Variants in AMBRA1 observed in about 807,000 individuals in gnomAD.
The protein encoded by AMBRA1 is autophagy and beclin 1 regulator 1.
AMBRA1 carries 47 observed loss-of-function variants against 125.4 expected under a neutral mutation model. That is an observed-to-expected ratio of 0.37 (90% CI 0.30 to 0.48). AMBRA1 has a LOEUF of 0.48. Among genes scored for constraint, AMBRA1 ranks in the 20% least tolerant of loss-of-function variants. The pLI, the probability that AMBRA1 is intolerant of heterozygous loss-of-function variation, is 0.99. For missense variants in AMBRA1, 1,331 were observed against 1,693.4 expected (o/e 0.79, Z 3.76); for synonymous variants, 626 against 655.5 (o/e 0.95, Z 0.69).
rs752375008 is a variant in AMBRA1 at position 46,545,741 on chromosome 11, A to G, written c.414T>C (p.Asn138=). The G allele has an allele frequency of 1.2e-6, 2 of 1,614,164 alleles. No individual in the cohort carries two copies. The highest frequency in any genetic ancestry group is 1.7e-6 in the Non-Finnish European group (2 of 1,180,010). The stretch of plus-strand genomic sequence containing the variant: ...GGTGGAAAGCCAGGGAGGCAATGGC[A>G]TTGTTGCTATCTGTGAACCAGCTTT... The part of the protein sequence containing the change: ...GSESWFTDSN[N]AIASLAFHPT... Residue 138 remains asparagine (N), a synonymous_variant, in exon 5 of 18, where the codon AAT becomes AAC. Transcript: ENST00000683756.
intron 11 of AMBRA1, among the ~76,000 whole-genome samples, chr11:46,455,636 T>C (rs1948817330): frequency 6.6e-6 from 1 of 152,200 alleles, no homozygotes; most frequent in African/African-American, 2.4e-5. Context: ...AAACAGAGGA[T>C]AGGGCTCATG....
At chr11:46,590,847 A>G (rs1347923868) in intron 1 of AMBRA1, among the ~76,000 whole-genome samples, 1 of 150,720 alleles carries the variant, frequency 6.6e-6, no homozygotes, top group Non-Finnish European at 1.5e-5. Flanking sequence ...CGGGAAGTGG[A>G]GGTTGCAGTG....
intron 11 of AMBRA1, among the ~76,000 whole-genome samples, chr11:46,474,325 G>A (rs940700094): frequency 9.2e-5 from 14 of 152,082 alleles, no homozygotes; most frequent in African/African-American, 3.4e-4. Flanking sequence ...TTATTATCAG[G>A]TATATGATCA....
intron 7 of AMBRA1, among the ~76,000 whole-genome samples, chr11:46,537,034 T>C (rs973234193): frequency 5.3e-5 from 8 of 152,224 alleles, no homozygotes; most frequent in African/African-American, 1.9e-4. Context: ...TCTCTCTCAG[T>C]TGCTGGAATT....
At chr11:46,486,773 GTGGGCACCTATAATCCCA>G (rs1950280028) in intron 11 of AMBRA1, among the ~76,000 whole-genome samples, 1 of 152,090 alleles carries the variant, frequency 6.6e-6, no homozygotes, top group Admixed American at 6.6e-5. Context: ...GGGCATGGTC[GTGGGCACCTATAATCCCA>G]GCCACTTGGG....
chr11:46,403,497 C>T (rs546396446), intron 17 of AMBRA1, among the ~76,000 whole-genome samples: 3 of 152,320 alleles, frequency 2.0e-5, no homozygotes, highest in African/African-American at 7.2e-5. Flanking sequence ...CTCAGCTAAA[C>T]TCATTAATTC....
chr11:46,576,658 T>TA (rs1214475579), intron 1 of AMBRA1, among the ~76,000 whole-genome samples: 2 of 152,174 alleles, frequency 1.3e-5, no homozygotes, highest in Non-Finnish European at 2.9e-5. Flanking sequence ...ATGTTGCAAT[T>TA]AAAACACATT....
intron 13 of AMBRA1, 71 bp from the exon 14 acceptor site, chr11:46,433,699 ACT>A: frequency 6.7e-7 from 1 of 1,490,298 alleles, no homozygotes. Flanking sequence ...TTTCACTCTT[ACT>A]CTTGTCTTTT....
At chr11:46,583,677 A>AAAAAAAAC (rs1565324615) in intron 1 of AMBRA1, among the ~76,000 whole-genome samples, 1 of 143,830 alleles carries the variant, frequency 7.0e-6, no homozygotes, top group African/African-American at 2.7e-5. Flanking sequence ...AAAAAAAAAA[A>AAAAAAAAC]AACAACAAAA....
intron 1 of AMBRA1, among the ~76,000 whole-genome samples, chr11:46,554,963 G>A (rs1252013099): frequency 6.6e-6 from 1 of 152,092 alleles, no homozygotes; most frequent in Non-Finnish European, 1.5e-5. Context: ...GTCAGGCATG[G>A]TGGGAGGCCA....
At chr11:46,523,502 A>T (rs1951843032) in intron 7 of AMBRA1, among the ~76,000 whole-genome samples, 1 of 152,208 alleles carries the variant, frequency 6.6e-6, no homozygotes, top group Admixed American at 6.5e-5. Context: ...CCTGAGGAGG[A>T]TTAACTCTGT....
intron 3 of AMBRA1, 198 bp from the exon 4 acceptor site, chr11:46,547,494 C>T (rs1418925069): frequency 1.7e-6 from 1 of 577,834 alleles, no homozygotes; most frequent in East Asian, 2.8e-5. Flanking sequence ...ACACTGTCCC[C>T]AAATGACACA....
rs1368511740 is a variant in AMBRA1 at position 46,549,828 on chromosome 11, G to A, written c.-120-1328C>T. Among the ~76,000 whole-genome samples the A allele has an allele frequency of 2.0e-5, 3 of 151,706 alleles. No homozygotes were observed. In the South Asian group the frequency reaches 6.2e-4, roughly 32 times the overall value. The stretch of plus-strand genomic sequence containing the variant: ...ACACTAGCTTTTCTTTCTTTTTTGG[G>A]GGGGGTGGGGGACAGAGTCTCACTC... On this transcript the variant is annotated intron_variant, in intron 1 of 17. Coordinates refer to ENST00000683756, the MANE Select transcript of AMBRA1 (RefSeq NM_001387011.1).
At chr11:46,488,405 G>A (rs982938487) in intron 11 of AMBRA1, among the ~76,000 whole-genome samples, 3 of 151,672 alleles carry the variant, frequency 2.0e-5, no homozygotes, top group South Asian at 2.1e-4. Flanking sequence ...GCAGTGAGCT[G>A]AGATTGCATC....
chr11:46,411,397 G>A (rs1442865275), intron 15 of AMBRA1, among the ~76,000 whole-genome samples: 1 of 151,764 alleles, frequency 6.6e-6, no homozygotes, highest in Non-Finnish European at 1.5e-5. Context: ...CTGTGTCCCA[G>A]GAGGTCCCAG....
chr11:46,565,979 G>A (rs1173549958), intron 1 of AMBRA1, among the ~76,000 whole-genome samples: 2 of 152,026 alleles, frequency 1.3e-5, no homozygotes, highest in African/African-American at 4.8e-5. Flanking sequence ...GCCCAGGCTG[G>A]TCTCAAAGCA....
intron 11 of AMBRA1, chr11:46,491,395 T>C (rs1252020484): frequency 6.6e-6 from 1 of 152,204 alleles, no homozygotes; most frequent in African/African-American, 2.4e-5. Context: ...ACCTATCTCA[T>C]ATGATTACTG....
chr11:46,426,088 A>G (rs1260367487), intron 14 of AMBRA1, among the ~76,000 whole-genome samples: 1 of 151,592 alleles, frequency 6.6e-6, no homozygotes, highest in Non-Finnish European at 1.5e-5. Flanking sequence ...AAAAAAAAAG[A>G]AAGAAAACAT....
intron 15 of AMBRA1, among the ~76,000 whole-genome samples, chr11:46,415,491 A>T (rs780118705): frequency 3.9e-5 from 6 of 152,224 alleles, no homozygotes; most frequent in Non-Finnish European, 7.3e-5. Flanking sequence ...TAGTTCTGTC[A>T]TCTGTTAGGA....
Sources: allele counts gnomAD v4.1 joint callset (sites outside exome capture counted in the v4.1 genomes callset), GRCh38; gene constraint gnomAD v4.1.1; transcripts MANE v1.5; gene names NCBI Gene and HGNC (gene_info 2026-07-23, HGNC 2026-07-21).